MACC1: variants seen among roughly 807,000 people sequenced by gnomAD.
The protein encoded by MACC1 is MET transcriptional regulator MACC1.
Under a neutral mutation model 70.7 loss-of-function variants are expected in MACC1, and 79 were observed. The ratio of observed to expected loss-of-function variants is 1.12; its 90% CI spans 0.93 to 1.35. MACC1 has a LOEUF of 1.35. Ranked by LOEUF, MACC1 falls within the 40% of genes most tolerant of loss-of-function variation. The pLI, the probability that MACC1 is intolerant of heterozygous loss-of-function variation, is 0.00. For synonymous variants in MACC1, 361 were observed against 347.2 expected (o/e 1.04, Z -0.44); for missense variants, 1,106 against 978.1 (o/e 1.13, Z -1.74).
At chr7:20,191,272 A>C (rs1050204186) in intron 1 of MACC1, among the ~76,000 whole-genome samples, 10 of 152,204 alleles carry the variant, frequency 6.6e-5, no homozygotes, top group African/African-American at 2.2e-4. Flanking sequence ...AACAAAAGGG[A>C]AGAGGAAGTT....
At chr7:20,213,606 A>T (rs1312898605) in intron 1 of MACC1, among the ~76,000 whole-genome samples, 1 of 152,196 alleles carries the variant, frequency 6.6e-6, no homozygotes, top group Non-Finnish European at 1.5e-5. Flanking sequence ...AAAAAAGAAC[A>T]AGATCATGTA....
chr7:20,170,155 C>T lies in MACC1; in HGVS notation c.-153+559G>A, dbSNP rs1256269671. On this transcript the variant is annotated intron_variant, in intron 2 of 6. Transcript: ENST00000400331. ...AACGCAGTCTTTGAAAATAGACAGACGTAACTTCAGACCAATGCTTAGAAA... is the reference window on the plus strand; with the variant it reads ...AACGCAGTCTTTGAAAATAGACAGATGTAACTTCAGACCAATGCTTAGAAA... 3 of 152,194 alleles carry T rather than the reference C, an allele frequency of 2.0e-5. No individual in the cohort carries two copies. In the East Asian group the frequency reaches 5.8e-4, roughly 29 times the overall value. 9.4% of individuals were successfully genotyped at this position (152,194 alleles called of 1,614,324 possible).
At chr7:20,146,730 T>C (rs1260890145) in intron 6 of MACC1, among the ~76,000 whole-genome samples, 1 of 152,228 alleles carries the variant, frequency 6.6e-6, no homozygotes, top group Non-Finnish European at 1.5e-5. Flanking sequence ...TCTACACTTG[T>C]GTTTTGAAAA....
intron 1 of MACC1, among the ~76,000 whole-genome samples, chr7:20,190,705 G>A (rs2128107039): frequency 6.6e-6 from 1 of 152,246 alleles, no homozygotes; most frequent in East Asian, 1.9e-4. Context: ...TTCATCACAA[G>A]CTCTTTTCCT....
chr7:20,202,195 A>G (rs1782843735), intron 1 of MACC1, among the ~76,000 whole-genome samples: 1 of 152,208 alleles, frequency 6.6e-6, no homozygotes, highest in Non-Finnish European at 1.5e-5. Flanking sequence ...GCAGTTATTT[A>G]GCAATTCATT....
intron 6 of MACC1, among the ~76,000 whole-genome samples, chr7:20,151,551 C>T (rs1781978675): frequency 1.3e-5 from 2 of 152,046 alleles, no homozygotes; most frequent in Non-Finnish European, 2.9e-5. Flanking sequence ...TTAGAAAAGT[C>T]GAGTAACATT....
At chr7:20,196,400 T>C (rs1339384934) in intron 1 of MACC1, among the ~76,000 whole-genome samples, 1 of 152,134 alleles carries the variant, frequency 6.6e-6, no homozygotes, top group African/African-American at 2.4e-5. Flanking sequence ...CAGGATGGTC[T>C]CAATCTCCTG....
At position 20,159,564 on chromosome 7, in the gene MACC1, G is replaced by A. The variant is rs755419484; in HGVS notation, c.797C>T (p.Ser266Leu). ...DPPHMLNHDL[S>L]CTVSPLLEIM... ...TTCCAACAACGGGCTCACAGTGCAC[G>A]AAAGATCATGGTTAAGCATGTGTGG... is the stretch of plus-strand genomic sequence containing the variant. Residue 266 changes from serine (S) to leucine (L), a missense_variant, in exon 5 of 7, where the codon TCG becomes TTG. Physicochemically the swap from Ser to Leu is moderately radical, Grantham distance 145. Transcript: ENST00000400331. 38 of 1,613,974 alleles carry A rather than the reference G, an allele frequency of 2.4e-5. No individual in the cohort carries two copies. Among genetic ancestry groups the A allele is most frequent in the Admixed American group, 3.3e-5 (2 of 59,964 alleles).
intron 1 of MACC1, among the ~76,000 whole-genome samples, chr7:20,198,874 AAG>A (rs1782791440): frequency 6.6e-6 from 1 of 152,234 alleles, no homozygotes; most frequent in Admixed American, 6.5e-5. Context: ...CTCAATGAAA[AAG>A]AGAGATCCAC....
intron 1 of MACC1, among the ~76,000 whole-genome samples, chr7:20,195,556 C>T (rs1384011869): frequency 6.6e-6 from 1 of 152,146 alleles, no homozygotes; most frequent in Non-Finnish European, 1.5e-5. Flanking sequence ...CCATGTTTAC[C>T]TTGGGGTAAA....
chr7:20,199,352 T>C (rs1490621947), intron 1 of MACC1, among the ~76,000 whole-genome samples: 1 of 152,236 alleles, frequency 6.6e-6, no homozygotes, highest in East Asian at 1.9e-4. Flanking sequence ...AAAGTAAGCA[T>C]TGTCCTAGCC....
chr7:20,192,103 A>T (rs1782681134), intron 1 of MACC1, among the ~76,000 whole-genome samples: 1 of 152,204 alleles, frequency 6.6e-6, no homozygotes, highest in Non-Finnish European at 1.5e-5. Flanking sequence ...TGACTTTTCA[A>T]TGTTAAGTAC....
chr7:20,198,424 A>T (rs910091138), intron 1 of MACC1: 1 of 152,246 alleles, frequency 6.6e-6, no homozygotes. Flanking sequence ...AATGAACAGA[A>T]CAGGACTGCC....
intron 1 of MACC1, among the ~76,000 whole-genome samples, chr7:20,201,599 A>G (rs1015102641): frequency 2.0e-5 from 3 of 152,208 alleles, no homozygotes; most frequent in East Asian, 3.8e-4. Context: ...AGTTCAGTCA[A>G]TGACATGATC....
intron 1 of MACC1, among the ~76,000 whole-genome samples, chr7:20,199,391 T>C (rs1284842879): frequency 6.6e-6 from 1 of 152,244 alleles, no homozygotes; most frequent in African/African-American, 2.4e-5. Flanking sequence ...ATTATGTATA[T>C]TACATGGAGA....
intron 1 of MACC1, among the ~76,000 whole-genome samples, chr7:20,178,261 TCACACACACACACACA>T (rs71020623): frequency 5.1e-5 from 5 of 98,910 alleles, no homozygotes; most frequent in Non-Finnish European, 9.4e-5. Context: ...TAATCTTATT[TCACACACACACACACA>T]CACACACACA....
At chr7:20,188,368 C>T (rs1189561767) in intron 1 of MACC1, among the ~76,000 whole-genome samples, 1 of 152,168 alleles carries the variant, frequency 6.6e-6, no homozygotes, top group Non-Finnish European at 1.5e-5. Context: ...CCAAGTCTCA[C>T]CTCTCAACAG....
rs573764513 is a variant in MACC1, at chr7:20,173,934, T to TG, written c.-217-3157_-217-3156insC. 3.2e-4 allele frequency among the ~76,000 whole-genome samples: 48 copies of TG among 152,266 alleles called. 3 individuals are homozygous for TG. The highest frequency in any genetic ancestry group is 1.1e-3 in the African/African-American group (44 of 41,546). ...TATGTTCATAACGTGGACAACTGCT[T>TG]CCTTTGGGTATATAGATTCAGATTT... is the stretch of plus-strand genomic sequence containing the variant. On this transcript the variant is annotated intron_variant, in intron 1 of 6. Transcript: ENST00000400331.
At chr7:20,200,476 C>A (rs1042423900) in intron 1 of MACC1, among the ~76,000 whole-genome samples, 2 of 152,090 alleles carry the variant, frequency 1.3e-5, no homozygotes, top group African/African-American at 4.8e-5. Flanking sequence ...ACGACAAATC[C>A]TGGAAGAGAA....
Sources: allele counts gnomAD v4.1 joint callset (sites outside exome capture counted in the v4.1 genomes callset), GRCh38; gene constraint gnomAD v4.1.1; transcripts MANE v1.5; gene names NCBI Gene and HGNC (gene_info 2026-07-23, HGNC 2026-07-21).